The following PDLIM5 variants were observed in gnomAD, a reference collection of about 807,000 sequenced individuals.
PDLIM5 encodes PDZ and LIM domain protein 5.
In PDLIM5, 34 loss-of-function variants were observed where a neutral mutation model predicts 64.2. The observed-to-expected ratio is 0.53, with a 90% confidence interval of 0.40 to 0.71. The LOEUF is 0.71. PDLIM5 is among the 30% of genes least tolerant of loss of function. The pLI, the probability that PDLIM5 is intolerant of heterozygous loss-of-function variation, is 0.00. For synonymous variants in PDLIM5, 253 were observed against 269.1 expected (o/e 0.94, Z 0.59); for missense variants, 683 against 733.6 (o/e 0.93, Z 0.80).
intron 2 of PDLIM5, chr4:94,456,368 T>G: frequency 1.6e-6 from 1 of 634,812 alleles, no homozygotes; most frequent in Non-Finnish European, 2.8e-6. Flanking sequence ...CTGGCTAATT[T>G]TGTATTTTTA....
Position 94,662,309 on chromosome 4 carries a change from A to G in PDLIM5, c.1586-113A>G, listed in dbSNP as rs1578568037. 3 of 524,496 alleles carry G rather than the reference A, an allele frequency of 5.7e-6. No individual in the cohort carries two copies. In the South Asian group the frequency reaches 9.2e-5, roughly 16 times the overall value. The allele number at this position is 524,496 out of a possible 1,614,324, so 32.5% of individuals were successfully genotyped here. A position where few individuals can be genotyped will look rare whatever the true frequency, so the allele number is the denominator to read the frequency against. ...TCCTGAAATTTTTCAAATTCCTAAT[A>G]TCTTTGTCTTCAGCATCTCATCTAA... On this transcript the variant is annotated intron_variant, in intron 11 of 12. Transcript: ENST00000317968.
chr4:94,636,640 G>A (rs4699566), intron 8 of PDLIM5, among the ~76,000 whole-genome samples: 148,832 of 151,206 alleles, frequency 0.98, 73,274 homozygotes, highest in East Asian at 1. Flanking sequence ...CCGGCTTCAC[G>A]CCATTCTCCT....
Position 94,523,949 on chromosome 4 carries a change from G to A in PDLIM5, c.248+74G>A, listed in dbSNP as rs529180910. The A allele has an allele frequency of 1.8e-5, 19 of 1,065,410 alleles. No individual in the cohort carries two copies. In the East Asian group the frequency reaches 4.3e-4, roughly 24 times the overall value. 66.0% of individuals were successfully genotyped at this position (1,065,410 alleles called of 1,614,324 possible). ...TGTGTTTTTGTGTGTCTGACTCACG[G>A]TGTTAACTAAGACTCAGTTTCTGCT... On this transcript the variant is annotated intron_variant, in intron 3 of 12. Coordinates refer to ENST00000317968, the MANE Select transcript of PDLIM5 (RefSeq NM_006457.5).
rs182578765 is a variant in PDLIM5, at chr4:94,462,568, A to G, written c.96+7184A>G. Among the ~76,000 whole-genome samples, 80 of 152,212 alleles carry G rather than the reference A, an allele frequency of 5.3e-4. 1 individual carries two copies. Among genetic ancestry groups the G allele is most frequent in the Admixed American group, 1.0e-3 (16 of 15,294 alleles). ...GTTTTGCCCATATATGTATATATAT[A>G]TGTGTAGACATTTAAATTTTTTCTA... On this transcript the variant is annotated intron_variant, in intron 2 of 12. Coordinates refer to ENST00000317968, the MANE Select transcript of PDLIM5 (RefSeq NM_006457.5).
Position 94,640,306 on chromosome 4 carries a change from CT to C in PDLIM5, c.1140del (p.Thr381LeufsTer24). ...VPSTGRISNSATYSGSVAPAN... is the reference protein window; with the variant it reads ...VPSTGRISNSXTYSGSVAPAN... Reference sequence around the variant, plus strand: ...TCCACTGGAAGAATCTCAAACAGCGCTACTTACTCAGGATCAGTGGCACCAG... The same window carrying C: ...TCCACTGGAAGAATCTCAAACAGCGCACTTACTCAGGATCAGTGGCACCAG... On this transcript the variant is annotated frameshift_variant, in exon 9 of 13. Coordinates refer to ENST00000317968, the MANE Select transcript of PDLIM5 (RefSeq NM_006457.5). LOFTEE classifies it high-confidence loss of function. 1 of 1,610,916 alleles carries C rather than the reference CT, an allele frequency of 6.2e-7. No individual in the cohort carries two copies. The highest frequency in any genetic ancestry group is 8.5e-7 in the Non-Finnish European group (1 of 1,177,500).
chr4:94,610,344 G>C, intron 7 of PDLIM5: 1 of 1,364,268 alleles, frequency 7.3e-7, no homozygotes, highest in Admixed American at 3.0e-5. Flanking sequence ...TGTGATCTCA[G>C]CGCTCTTCAC....
chr4:94,458,626 C>G (rs1723591671), intron 2 of PDLIM5, among the ~76,000 whole-genome samples: 1 of 152,074 alleles, frequency 6.6e-6, no homozygotes, highest in Non-Finnish European at 1.5e-5. Context: ...TGTTGAACTC[C>G]AAAGGGTCAT....
At position 94,575,774 on chromosome 4, in the gene PDLIM5, C is replaced by T; in HGVS notation, c.450C>T (p.Phe150=). ...CCATCCCATCACCATCGTCTGCCTTCACCCCAGCCCATGCGACCACCTCAT... is the reference window on the plus strand; with the variant it reads ...CCATCCCATCACCATCGTCTGCCTTTACCCCAGCCCATGCGACCACCTCAT... The part of the protein sequence containing the change: ...VTSIPSPSSA[F]TPAHATTSSH... The change falls in exon 5 of 13, where the codon TTC becomes TTT. Residue 150 remains phenylalanine, a synonymous_variant. Coordinates refer to ENST00000317968, the MANE Select transcript of PDLIM5 (RefSeq NM_006457.5). 6.2e-7 allele frequency: 1 copy of T among 1,614,126 alleles called. No individual in the cohort carries two copies. The highest frequency in any genetic ancestry group is 8.5e-7 in the Non-Finnish European group (1 of 1,180,016).
chr4:94,470,558 A>G (rs148354354), intron 2 of PDLIM5, among the ~76,000 whole-genome samples: 2 of 152,310 alleles, frequency 1.3e-5, no homozygotes, highest in East Asian at 3.9e-4. Flanking sequence ...CCCAATGCCA[A>G]GAGTTACATT....
chr4:94,655,185 G>A (rs1742115974), intron 10 of PDLIM5, among the ~76,000 whole-genome samples: 2 of 151,920 alleles, frequency 1.3e-5, no homozygotes, highest in African/African-American at 4.8e-5. Context: ...CACATGTGAT[G>A]GAAAAATAAT....
chr4:94,553,329 G>A (rs112535198), intron 3 of PDLIM5, among the ~76,000 whole-genome samples: 1 of 151,988 alleles, frequency 6.6e-6, no homozygotes, highest in Non-Finnish European at 1.5e-5. Context: ...GGCTGGTCTC[G>A]AACTCCTGAC....
chr4:94,457,243 A>C (rs915489437), intron 2 of PDLIM5: 1 of 720,756 alleles, frequency 1.4e-6, no homozygotes, highest in Non-Finnish European at 1.7e-6. Flanking sequence ...GTTATCTTTA[A>C]TTTATCATCA....
intron 3 of PDLIM5, among the ~76,000 whole-genome samples, chr4:94,527,072 TTTG>T: frequency 7.3e-6 from 1 of 137,598 alleles, no homozygotes; most frequent in African/African-American, 2.9e-5. Flanking sequence ...TTTTTTTTTT[TTTG>T]AGACAGAGTC....
chr4:94,484,088 C>T (rs374519378), intron 2 of PDLIM5, among the ~76,000 whole-genome samples: 2 of 152,256 alleles, frequency 1.3e-5, no homozygotes, highest in East Asian at 3.9e-4. Context: ...TTTACTAGCA[C>T]GCTGTTAGTG....
chr4:94,531,127 G>A (rs1730836085), intron 3 of PDLIM5, among the ~76,000 whole-genome samples: 2 of 151,314 alleles, frequency 1.3e-5, no homozygotes, highest in Admixed American at 1.3e-4. Context: ...TTCTTCTTTG[G>A]TATTTCACGT....
At chr4:94,651,579 G>A (rs1053829056) in intron 9 of PDLIM5, among the ~76,000 whole-genome samples, 1 of 152,138 alleles carries the variant, frequency 6.6e-6, no homozygotes, top group Non-Finnish European at 1.5e-5. Flanking sequence ...AGCTAACGTC[G>A]AGACTGGACG....
At chr4:94,662,128 C>A (rs1222433616) in intron 11 of PDLIM5, among the ~76,000 whole-genome samples, 1 of 152,028 alleles carries the variant, frequency 6.6e-6, no homozygotes, top group Non-Finnish European at 1.5e-5. Flanking sequence ...CAGAACAGTT[C>A]TTTATATGTA....
At chr4:94,542,847 A>C (rs1281304362) in intron 3 of PDLIM5, among the ~76,000 whole-genome samples, 3 of 151,334 alleles carry the variant, frequency 2.0e-5, no homozygotes, top group Admixed American at 6.6e-5. Flanking sequence ...TATTAAAACA[A>C]AATTGTTTCC....
intron 7 of PDLIM5, among the ~76,000 whole-genome samples, chr4:94,609,176 G>A (rs527319140): frequency 4.2e-4 from 64 of 152,108 alleles, no homozygotes; most frequent in Non-Finnish European, 6.6e-4. Context: ...CAGAGGTCGA[G>A]TTTGCCACGT....
Sources: allele counts gnomAD v4.1 joint callset (sites outside exome capture counted in the v4.1 genomes callset), GRCh38; gene constraint gnomAD v4.1.1; transcripts MANE v1.5; gene names NCBI Gene and HGNC (gene_info 2026-07-23, HGNC 2026-07-21).